GALNT1: variants seen among roughly 807,000 people sequenced by gnomAD.
The protein encoded by GALNT1 is GalNAc transferase 1.
Under a neutral mutation model 65.7 loss-of-function variants are expected in GALNT1, and 17 were observed. That is an observed-to-expected ratio of 0.26 (90% confidence interval 0.18 to 0.39). The LOEUF is 0.39. Ranked by LOEUF, GALNT1 falls within the 10% of genes least tolerant of loss-of-function variation. The pLI is 1.00. For synonymous variants in GALNT1, 210 were observed against 219.7 expected (o/e 0.96, Z 0.39); for missense variants, 460 against 672.8 (o/e 0.68, Z 3.50).
intron 1 of GALNT1, among the ~76,000 whole-genome samples, chr18:35,584,243 T>C (rs1302845457): frequency 6.6e-6 from 1 of 152,238 alleles, no homozygotes; most frequent in Non-Finnish European, 1.5e-5. Flanking sequence ...TGCTTTTACT[T>C]ATTTATTTAT....
chr18:35,604,119 C>T (rs73418853), intron 1 of GALNT1, among the ~76,000 whole-genome samples: 2,340 of 152,188 alleles, frequency 0.015, 58 homozygotes, highest in African/African-American at 0.054. Flanking sequence ...TATTTTTACC[C>T]TTCTTTGTGT....
chr18:35,669,955 T>C (rs1455948137), intron 3 of GALNT1, among the ~76,000 whole-genome samples: 2 of 152,208 alleles, frequency 1.3e-5, no homozygotes, highest in Non-Finnish European at 2.9e-5. Context: ...GACATGATTG[T>C]GTATAACAAA....
intron 1 of GALNT1, among the ~76,000 whole-genome samples, chr18:35,590,274 T>A (rs974305714): frequency 6.6e-6 from 1 of 152,208 alleles, no homozygotes; most frequent in Admixed American, 6.5e-5. Context: ...TTCTTATAAA[T>A]TTTTACAAAT....
At chr18:35,615,867 T>C (rs2046777535) in intron 1 of GALNT1, among the ~76,000 whole-genome samples, 1 of 152,230 alleles carries the variant, frequency 6.6e-6, no homozygotes, top group Non-Finnish European at 1.5e-5. Flanking sequence ...ACCACTGCAC[T>C]ACTCCATGGC....
chr18:35,613,708 A>C (rs2046747432), intron 1 of GALNT1, among the ~76,000 whole-genome samples: 1 of 152,158 alleles, frequency 6.6e-6, no homozygotes, highest in African/African-American at 2.4e-5. Context: ...AAAAGCAAAA[A>C]ACCTATCCCT....
In GALNT1 at chr18:35,709,638, G is replaced by A. The variant is rs753905689; in HGVS notation, c.1548G>A (p.Gln516=). 3.1e-6 allele frequency: 5 copies of A among 1,613,978 alleles called. No individual in the cohort carries two copies. The East Asian group carries it at 8.9e-5, about 29-fold the overall frequency. The part of the protein sequence containing the change: ...WEYDPVKLTL[Q]HVNSNQCLDK... ...TTCTATTTCAGAAATTAACCCTGCA[G>A]CATGTGAACAGTAATCAGTGCCTGG... Residue 516 remains glutamine (Q), a synonymous_variant, in exon 12 of 12, where the codon CAG becomes CAA. Coordinates refer to ENST00000269195, the MANE Select transcript of GALNT1 (RefSeq NM_020474.4).
rs2047916874 is a variant in GALNT1, at chr18:35,689,226, A to C, written c.914A>C (p.Glu305Ala). 6.2e-7 allele frequency: 1 copy of C among 1,613,102 alleles called. No homozygotes were observed. The highest frequency in any genetic ancestry group is 8.5e-7 in the Non-Finnish European group (1 of 1,179,526). The change falls in exon 7 of 12, where the codon GAA (glutamate) becomes GCA (alanine). Residue 305 changes from glutamate to alanine, a missense_variant. Coordinates refer to ENST00000269195, the MANE Select transcript of GALNT1 (RefSeq NM_020474.4). The part of the protein sequence containing the change: ...LFSIDRDYFQ[E>A]IGTYDAGMDI... ...TCAATAGACAGAGATTACTTTCAGG[A>C]AATTGGAACATATGATGCTGGAATG...
chr18:35,581,108 GGCA>G (rs2143783260), upstream of GALNT1: 1 of 152,226 alleles, frequency 6.6e-6, no homozygotes, highest in East Asian at 1.9e-4. Flanking sequence ...GGCCGCCTCA[GGCA>G]GCCGACCGGG....
At chr18:35,664,041 G>T in intron 3 of GALNT1, 3 of 420,580 alleles carry the variant, frequency 7.1e-6, no homozygotes, top group South Asian at 6.3e-5. Context: ...GATTAGAAGG[G>T]GATTTTAAAC....
chr18:35,581,696 C>T (rs1281979080), upstream of GALNT1: 2 of 60 alleles, frequency 0.033, no homozygotes. Context: ...CGCGGCGGAG[C>T]GGGGCCCGGC....
In GALNT1 at chr18:35,692,311, A is replaced by T. The variant is rs771005938; in HGVS notation, c.1290A>T (p.Ser430=). The part of the protein sequence containing the change: ...PDSQIPRHYF[S]LGEIRNVETN... The stretch of plus-strand genomic sequence containing the variant: ...CTCAAATTCCACGTCACTATTTCTC[A>T]TTGGGAGAGGTAAGAAATATATATA... The change falls in exon 9 of 12, where the codon TCA becomes TCT. Residue 430 remains serine, a synonymous_variant. Coordinates refer to ENST00000269195, the MANE Select transcript of GALNT1 (RefSeq NM_020474.4). 4 of 1,563,598 alleles carry T rather than the reference A, an allele frequency of 2.6e-6. No homozygotes were observed. The African/African-American group carries it at 5.4e-5, about 21-fold the overall frequency.
Position 35,677,697 on chromosome 18 carries a change from A to T in GALNT1, c.421A>T (p.Asn141Tyr), listed in dbSNP as rs765970495. ...TCTGCGAACTGTCCATAGTGTCATT[A>T]ATCGCTCACCAAGACACATGATAGA... Reference protein sequence around the residue: ...TLLRTVHSVINRSPRHMIEEI... With the variant: ...TLLRTVHSVIYRSPRHMIEEI... The change falls in exon 4 of 12, where the codon AAT (asparagine) becomes TAT (tyrosine). Residue 141 changes from asparagine to tyrosine, a missense_variant. Transcript: ENST00000269195. The T allele has an allele frequency of 1.2e-6, 2 of 1,613,144 alleles. No homozygotes were observed. The highest frequency in any genetic ancestry group is 1.7e-6 in the Non-Finnish European group (2 of 1,179,310).
At chr18:35,631,216 A>G (rs551730536) in intron 1 of GALNT1, among the ~76,000 whole-genome samples, 1 of 152,366 alleles carries the variant, frequency 6.6e-6, no homozygotes, top group African/African-American at 2.4e-5. Context: ...GGCCAGCATC[A>G]TCCTGATACC....
chr18:35,635,971 G>T (rs1194888420), intron 1 of GALNT1, among the ~76,000 whole-genome samples: 1 of 152,024 alleles, frequency 6.6e-6, no homozygotes, highest in East Asian at 1.9e-4. Context: ...CAGAATTGTG[G>T]AAATACCAGT....
At chr18:35,691,965 C>T (rs900738713) in intron 8 of GALNT1, among the ~76,000 whole-genome samples, 13 of 152,286 alleles carry the variant, frequency 8.5e-5, no homozygotes, top group Admixed American at 2.6e-4. Context: ...TTCATTCTCA[C>T]ATAAATGTCA....
chr18:35,656,874 T>G (rs905881497), intron 2 of GALNT1, among the ~76,000 whole-genome samples: 9 of 152,080 alleles, frequency 5.9e-5, no homozygotes, highest in Non-Finnish European at 1.2e-4. Flanking sequence ...AAAATGACAC[T>G]GGAGATGGAG....
At chr18:35,685,541 A>G (rs1301724089) in intron 5 of GALNT1, among the ~76,000 whole-genome samples, 3 of 152,042 alleles carry the variant, frequency 2.0e-5, no homozygotes, top group Non-Finnish European at 4.4e-5. Context: ...AAATGTTGGA[A>G]GCATTTTTTA....
intron 3 of GALNT1, among the ~76,000 whole-genome samples, chr18:35,676,878 AATT>A (rs947584989): frequency 3.3e-5 from 5 of 152,196 alleles, no homozygotes; most frequent in African/African-American, 1.2e-4. Flanking sequence ...GGAAACATAC[AATT>A]ATTATGTGGA....
chr18:35,618,310 A>C (rs1248286166), intron 1 of GALNT1, among the ~76,000 whole-genome samples: 2 of 152,140 alleles, frequency 1.3e-5, no homozygotes, highest in African/African-American at 4.8e-5. Context: ...ATCTTTAAAA[A>C]ATTTTAGTTA....
Sources: allele counts gnomAD v4.1 joint callset (sites outside exome capture counted in the v4.1 genomes callset), GRCh38; gene constraint gnomAD v4.1.1; transcripts MANE v1.5; gene names NCBI Gene and HGNC (gene_info 2026-07-23, HGNC 2026-07-21).